TRAF3IP1: variants seen among roughly 807,000 people sequenced by gnomAD.
TRAF3IP1 encodes intraflagellar transport 54.
TRAF3IP1 carries 53 observed loss-of-function variants against 89.9 expected under a neutral mutation model. The observed-to-expected ratio is 0.59, with a 90% CI of 0.47 to 0.74. TRAF3IP1 has a LOEUF of 0.74. Ranked by LOEUF, TRAF3IP1 falls within the 30% of genes least tolerant of loss-of-function variation. The pLI, the probability that TRAF3IP1 is intolerant of heterozygous loss-of-function variation, is 0.00. For synonymous variants in TRAF3IP1, 311 were observed against 322.1 expected (o/e 0.97, Z 0.37); for missense variants, 806 against 866.1 (o/e 0.93, Z 0.87).
chr2:238,350,299 T>C (rs1389342057), intron 12 of TRAF3IP1, among the ~76,000 whole-genome samples: 1 of 152,002 alleles, frequency 6.6e-6, no homozygotes, highest in East Asian at 1.9e-4. Flanking sequence ...AAAGGGGAAA[T>C]TGATGACGTA....
chr2:238,331,836 A>G lies in TRAF3IP1; in HGVS notation c.916-988A>G, dbSNP rs145140451. The stretch of plus-strand genomic sequence containing the variant: ...TACTCACATCTACGCTGGGGAGGCA[A>G]GAGACTCAAGTTCTAACCCCGGTTC... On this transcript the variant is annotated intron_variant, in intron 5 of 16. Coordinates refer to ENST00000373327, the MANE Select transcript of TRAF3IP1 (RefSeq NM_015650.4). 7.9e-3 allele frequency among the ~76,000 whole-genome samples: 1,206 copies of G among 152,332 alleles called. 9 individuals carry two copies. The highest frequency in any genetic ancestry group is 0.014 in the Middle Eastern group (4 of 294).
At position 238,327,235 on chromosome 2, in the gene TRAF3IP1, T is replaced by C. The variant is rs373135224; in HGVS notation, c.354+1265T>C. Among the ~76,000 whole-genome samples the C allele has an allele frequency of 2.9e-3, 444 of 152,328 alleles. 2 individuals are homozygous for C. The highest frequency in any genetic ancestry group is 0.01 in the African/African-American group (421 of 41,566). ...CTTGGTACCTGAGCTGCCTTCCTCC[T>C]CCAGCCTCACCCAGCAACAATGTGG... On this transcript the variant is annotated intron_variant, in intron 3 of 16. Coordinates refer to ENST00000373327, the MANE Select transcript of TRAF3IP1 (RefSeq NM_015650.4).
In TRAF3IP1 at chr2:238,356,030, A is replaced by T. The variant is rs1165082873; in HGVS notation, c.1639A>T (p.Thr547Ser). The change falls in exon 15 of 17, where the codon ACG becomes TCG. Residue 547 changes from threonine (T) to serine (S), a missense_variant. This residue lies in a region of TRAF3IP1 where 732 missense variants were observed against 780.5 expected (regional missense o/e 0.94). Transcript: ENST00000373327. ...HGGLVKKILE[T>S]KKDYEKLQQS... ...TGGACTTGTGAAAAAAATTTTGGAGACGAAGAAAGATTATGAGAAATTGCA... is the reference window on the plus strand; with the variant it reads ...TGGACTTGTGAAAAAAATTTTGGAGTCGAAGAAAGATTATGAGAAATTGCA... 1 of 1,613,780 alleles carries T rather than the reference A, an allele frequency of 6.2e-7. No individual in the cohort carries two copies. The highest frequency in any genetic ancestry group is 1.7e-5 in the Admixed American group (1 of 60,016).
Position 238,400,216 on chromosome 2 carries a change from C to G in TRAF3IP1, c.*1297C>G, listed in dbSNP as rs534296791. ...GTTCAAGTGATTCTCCTGCCTCAGC[C>G]TCCTGAGTAACTGGGACTACAGGCG... is the stretch of plus-strand genomic sequence containing the variant. On this transcript the variant is annotated 3_prime_UTR_variant, in exon 17 of 17. Coordinates refer to ENST00000373327, the MANE Select transcript of TRAF3IP1 (RefSeq NM_015650.4). 2.6e-5 allele frequency: 4 copies of G among 152,216 alleles called. No homozygotes were observed. The South Asian group carries it at 8.3e-4, about 32-fold the overall frequency. 9.4% of individuals were successfully genotyped at this position (152,216 alleles called of 1,614,324 possible). A position where few individuals can be genotyped will look rare whatever the true frequency, so the allele number is the denominator to read the frequency against.
Position 238,325,961 on chromosome 2 carries a change from T to A in TRAF3IP1, c.345T>A (p.Cys115Ter). 6.2e-7 allele frequency: 1 copy of A among 1,612,868 alleles called. No homozygotes were observed. Among genetic ancestry groups the A allele is most frequent in the Non-Finnish European group, 8.5e-7 (1 of 1,179,656 alleles). ...NELLQIIGKC[C>*]LNKLSSDDAV... ...TGCTCCAGATAATTGGAAAATGCTG[T>A]CTCAACAAGGTACTACTGCTGTCCT... The change falls in exon 3 of 17, where the codon TGT becomes TGA. Residue 115 changes from cysteine to a stop codon, truncating the protein, a stop_gained. Transcript: ENST00000373327. LOFTEE classifies it high-confidence loss of function.
chr2:238,321,130 C>T (rs1697515397), intron 1 of TRAF3IP1, among the ~76,000 whole-genome samples: 1 of 152,166 alleles, frequency 6.6e-6, no homozygotes, highest in Non-Finnish European at 1.5e-5. Context: ...TGAGGAGGTC[C>T]TGCCCCTCCC....
intron 14 of TRAF3IP1, among the ~76,000 whole-genome samples, chr2:238,355,161 T>G (rs1699353595): frequency 6.6e-6 from 1 of 152,184 alleles, no homozygotes; most frequent in African/African-American, 2.4e-5. Flanking sequence ...ATTCGCATGA[T>G]TTTAAGGTCA....
At position 238,329,015 on chromosome 2, in the gene TRAF3IP1, AAAGGAC is replaced by A. The variant is rs568994925; in HGVS notation, c.600_605del (p.Asp200_Lys201del). The A allele has an allele frequency of 2.6e-5, 40 of 1,551,884 alleles. No homozygotes were observed. The South Asian group carries it at 3.7e-4, about 14-fold the overall frequency. On this transcript the variant is annotated inframe_deletion, in exon 5 of 17. Transcript: ENST00000373327. ...TGAAAGAAGACCGCAAGCCAAGAGA[AAAGGAC>A]AAGGACAAGGAGAAGGCCAAGGAGA...
intron 15 of TRAF3IP1, among the ~76,000 whole-genome samples, chr2:238,365,342 T>G (rs1474183683): frequency 6.6e-6 from 1 of 152,170 alleles, no homozygotes; most frequent in African/African-American, 2.4e-5. Context: ...GCTAGGAATA[T>G]TGTTTCCATT....
intron 8 of TRAF3IP1, among the ~76,000 whole-genome samples, chr2:238,343,591 C>A (rs907652926): frequency 6.6e-6 from 1 of 150,780 alleles, no homozygotes. Context: ...CAGGCTGGTG[C>A]CTGCCTTGGC....
chr2:238,396,524 TATA>T lies in TRAF3IP1; in HGVS notation c.1690-924_1690-922del, dbSNP rs577736724. 2.0e-5 allele frequency among the ~76,000 whole-genome samples: 3 copies of T among 149,270 alleles called. No individual in the cohort carries two copies. In the East Asian group the frequency reaches 5.9e-4, roughly 29 times the overall value. ...TGTACATGTACCCTAAAACTTAAAG[TATA>T]ATAATAATAAAAAAATTAAAAAAAA... On this transcript the variant is annotated intron_variant, in intron 15 of 16. Coordinates refer to ENST00000373327, the MANE Select transcript of TRAF3IP1 (RefSeq NM_015650.4).
At chr2:238,381,709 A>G (rs1011657936) in intron 15 of TRAF3IP1, among the ~76,000 whole-genome samples, 18 of 152,228 alleles carry the variant, frequency 1.2e-4, no homozygotes, top group Admixed American at 1.2e-3. Context: ...CACCACTGTT[A>G]CAGGTAGTGA....
chr2:238,325,330 A>G lies in TRAF3IP1; in HGVS notation c.148A>G (p.Lys50Glu). The G allele has an allele frequency of 6.2e-7, 1 of 1,614,122 alleles. No homozygotes were observed. The highest frequency in any genetic ancestry group is 1.7e-5 in the Admixed American group (1 of 60,012). ...GGTGATTAGAATGACTGGTTTCATGAAGGGCCTCTACACAGACGCCGAGAT... is the reference window on the plus strand; with the variant it reads ...GGTGATTAGAATGACTGGTTTCATGGAGGGCCTCTACACAGACGCCGAGAT... ...TEVIRMTGFM[K>E]GLYTDAEMKS... The change falls in exon 2 of 17, where the codon AAG becomes GAG. Residue 50 changes from lysine to glutamate, a missense_variant. By Grantham distance (56) the Lys-to-Glu change is moderately conservative. Transcript: ENST00000373327.
intron 9 of TRAF3IP1, among the ~76,000 whole-genome samples, chr2:238,346,927 AGGATCCT>A (rs1698921430): frequency 6.6e-6 from 1 of 152,152 alleles, no homozygotes; most frequent in Non-Finnish European, 1.5e-5. Context: ...TTGAAGAAAA[AGGATCCT>A]GGGTGAAGGT....
At chr2:238,354,039 G>C (rs1044418888) in intron 14 of TRAF3IP1, among the ~76,000 whole-genome samples, 4 of 152,234 alleles carry the variant, frequency 2.6e-5, no homozygotes, top group Admixed American at 2.0e-4. Flanking sequence ...CTCCCAAAGT[G>C]CTGGGATTAC....
chr2:238,358,074 A>T (rs1292721858), intron 15 of TRAF3IP1, among the ~76,000 whole-genome samples: 2 of 151,964 alleles, frequency 1.3e-5, no homozygotes, highest in African/African-American at 4.8e-5. Context: ...CATCAGACTT[A>T]AATTTAACTT....
chr2:238,385,426 T>C (rs977158233), intron 15 of TRAF3IP1, among the ~76,000 whole-genome samples: 3 of 152,224 alleles, frequency 2.0e-5, no homozygotes, highest in Non-Finnish European at 4.4e-5. Context: ...AAATGACTCA[T>C]GTAAAATTCA....
rs1373393043 is a variant in TRAF3IP1 at position 238,400,718 on chromosome 2, T to A, written c.*1799T>A. ...TGACCCTGAATGGACCTTGTTTTAC[T>A]TCAAGTTGAGATGTCTGCCTTTTAT... is the stretch of plus-strand genomic sequence containing the variant. On this transcript the variant is annotated 3_prime_UTR_variant, in exon 17 of 17. Transcript: ENST00000373327. The A allele has an allele frequency of 1.3e-5, 2 of 152,358 alleles. No individual in the cohort carries two copies. Among genetic ancestry groups the A allele is most frequent in the African/African-American group, 2.4e-5 (1 of 41,592 alleles). The allele number at this position is 152,358 out of a possible 1,614,324, so 9.4% of individuals were successfully genotyped here.
intron 15 of TRAF3IP1, among the ~76,000 whole-genome samples, chr2:238,388,314 G>T (rs550919013): frequency 6.7e-6 from 1 of 149,158 alleles, no homozygotes; most frequent in South Asian, 2.1e-4. Context: ...GGCGGAAGTT[G>T]CAGTGAGCTG....
Sources: gnomAD v4.1 joint callset for allele counts (sites outside exome capture counted in the v4.1 genomes callset) on GRCh38, gnomAD v4.1.1 for gene constraint, gnomAD v4.1.1 regional missense constraint, MANE v1.5 for transcripts, NCBI Gene and HGNC (gene_info 2026-07-23, HGNC 2026-07-21) for gene names.